The following TRMT44 variants were observed in gnomAD, a reference collection of about 807,000 sequenced individuals.
The protein encoded by TRMT44 is probable tRNA (uracil-O(2)-)-methyltransferase.
A neutral mutation model predicts 77.3 loss-of-function variants in TRMT44; 78 were observed. The ratio of observed to expected loss-of-function variants is 1.01; its 90% CI spans 0.84 to 1.22. The LOEUF is 1.22. TRMT44 is among the 50% of genes most tolerant of loss of function. The probability of loss-of-function intolerance (pLI) is 0.00; values close to 1 mark genes in which losing one functional copy is unlikely to be tolerated. For missense variants in TRMT44, 1,090 were observed against 964.4 expected (o/e 1.13, Z -1.73); for synonymous variants, 391 against 383.3 (o/e 1.02, Z -0.23).
At chr4:8,481,723 C>T (rs1233791201) in intron 2 of TRMT44, among the ~76,000 whole-genome samples, 2 of 152,222 alleles carry the variant, frequency 1.3e-5, no homozygotes, top group African/African-American at 4.8e-5. Flanking sequence ...TTAGCCTAGG[C>T]TAGGCCTACA....
Position 8,465,448 on chromosome 4 carries a change from A to AG in TRMT44, c.1383dup (p.Gln462AlafsTer3). 1 of 1,614,126 alleles carries AG rather than the reference A, an allele frequency of 6.2e-7. No homozygotes were observed. Among genetic ancestry groups the AG allele is most frequent in the Non-Finnish European group, 8.5e-7 (1 of 1,180,008 alleles). On this transcript the variant is annotated frameshift_variant, in exon 8 of 11. Coordinates refer to ENST00000389737, the MANE Select transcript of TRMT44 (RefSeq NM_152544.3). LOFTEE classifies it high-confidence loss of function. ...TGACTTCATTGGAAGATACTCCCGG[A>AG]GGCAGAGTAAGAAGACTCAGTACCG...
chr4:8,449,953 T>TATTTTA, intron 3 of TRMT44, 65 bp downstream of exon 3: 1 of 545,128 alleles, frequency 1.8e-6, no homozygotes, highest in Non-Finnish European at 2.6e-6. Flanking sequence ...TCTTTTCTTT[T>TATTTTA]TTTTTTTTTT....
chr4:8,488,978 A>G (rs894230713), intron 2 of TRMT44, among the ~76,000 whole-genome samples: 1 of 152,192 alleles, frequency 6.6e-6, no homozygotes, highest in Non-Finnish European at 1.5e-5. Flanking sequence ...AAGATCTTGA[A>G]AGGAACTGTG....
downstream of TRMT44, chr4:8,476,879 G>A (rs1394469354): frequency 1.3e-5 from 2 of 152,196 alleles, no homozygotes; most frequent in African/African-American, 4.8e-5. Context: ...AAGTGACTGG[G>A]ACTGTAGATG....
intron 6 of TRMT44, among the ~76,000 whole-genome samples, chr4:8,463,392 G>T (rs576080366): frequency 1.3e-5 from 2 of 152,220 alleles, no homozygotes; most frequent in Non-Finnish European, 2.9e-5. Flanking sequence ...TGCAGAATTT[G>T]TCAGAATGGT....
intron 2 of TRMT44, among the ~76,000 whole-genome samples, chr4:8,491,230 G>C (rs1727993196): frequency 6.6e-6 from 1 of 152,256 alleles, no homozygotes; most frequent in Non-Finnish European, 1.5e-5. Flanking sequence ...AGTGTCGATT[G>C]GTGCACTCAC....
At chr4:8,486,782 C>T (rs1727820447) in intron 2 of TRMT44, among the ~76,000 whole-genome samples, 1 of 152,054 alleles carries the variant, frequency 6.6e-6, no homozygotes, top group Non-Finnish European at 1.5e-5. Context: ...GGGAGGGCTA[C>T]TCACGGAATG....
chr4:8,487,432 A>C (rs1047541625), intron 2 of TRMT44, among the ~76,000 whole-genome samples: 2 of 151,988 alleles, frequency 1.3e-5, no homozygotes, highest in Non-Finnish European at 2.9e-5. Context: ...CGTGGAAATA[A>C]GGGGTTGAGG....
At chr4:8,458,555 C>A (rs1725958332) in intron 6 of TRMT44, among the ~76,000 whole-genome samples, 1 of 150,166 alleles carries the variant, frequency 6.7e-6, no homozygotes, top group Non-Finnish European at 1.5e-5. Context: ...CCTCTGCCTT[C>A]CAGGTTCAAG....
intron 2 of TRMT44, among the ~76,000 whole-genome samples, chr4:8,485,809 C>T (rs1727785513): frequency 6.6e-6 from 1 of 152,064 alleles, no homozygotes. Context: ...GAGTGTTGTC[C>T]AAGTTGGCAC....
chr4:8,514,602 C>A, the TRMT44 span, among the ~76,000 whole-genome samples: 1 of 151,974 alleles, frequency 6.6e-6, no homozygotes, highest in Non-Finnish European at 1.5e-5. Context: ...TCCAGCCAGG[C>A]GAAAGCATTT....
chr4:8,488,164 G>C (rs1334114964), intron 2 of TRMT44, among the ~76,000 whole-genome samples: 1 of 152,224 alleles, frequency 6.6e-6, no homozygotes, highest in African/African-American at 2.4e-5. Context: ...CTGAGGACCT[G>C]AGGTCATAGG....
chr4:8,488,588 G>A (rs947671386), intron 2 of TRMT44, among the ~76,000 whole-genome samples: 2 of 152,204 alleles, frequency 1.3e-5, no homozygotes, highest in Non-Finnish European at 2.9e-5. Flanking sequence ...AATGTCATCA[G>A]TTAAGGTGGG....
Position 8,462,773 on chromosome 4 carries a change from T to G in TRMT44, c.1204-1212T>G, listed in dbSNP as rs73089522. ...AAACAGGTGGGGCTTTGATATCTAG[T>G]GCTGTTGGCAAGATAATATAAAATA... On this transcript the variant is annotated intron_variant, in intron 6 of 10. Transcript: ENST00000389737. Among the ~76,000 whole-genome samples, 209 of 152,322 alleles carry G rather than the reference T, an allele frequency of 1.4e-3. 1 individual carries two copies. Among genetic ancestry groups the G allele is most frequent in the African/African-American group, 4.9e-3 (204 of 41,584 alleles).
chr4:8,485,914 A>G lies in TRMT44; in HGVS notation n.3891+6381A>G, dbSNP rs547773778. ...GAAACAGGCCCTTGAAAAGAAGGCA[A>G]CGTGGAGTGGGTAGCCCCCGTATCG... On this transcript the variant is annotated intron_variant and non_coding_transcript_variant, in intron 2 of 2. Coordinates refer to the TRMT44 transcript ENST00000511366. Among the ~76,000 whole-genome samples the G allele has an allele frequency of 1.4e-4, 21 of 152,274 alleles. No homozygotes were observed. The South Asian group carries it at 4.1e-3, about 30-fold the overall frequency.
chr4:8,470,932 G>A (rs1224046369), intron 9 of TRMT44, 152 bp from the exon 10 acceptor site: 1 of 609,722 alleles, frequency 1.6e-6, no homozygotes, highest in Non-Finnish European at 2.9e-6. Flanking sequence ...GGTGCGGTGT[G>A]GTGTGGGTTA....
At chr4:8,463,830 C>T (rs985519707) in intron 6 of TRMT44, among the ~76,000 whole-genome samples, 155 bp from the exon 7 acceptor site, 2 of 152,076 alleles carry the variant, frequency 1.3e-5, no homozygotes, top group African/African-American at 4.8e-5. Context: ...GATACATTGA[C>T]TTCCCCGCTC....
Position 8,452,742 on chromosome 4 carries a change from G to GA in TRMT44, c.1024-128dup, listed in dbSNP as rs113210446. 0.09 allele frequency: 36,612 copies of GA among 405,942 alleles called. 102 individuals are homozygous for GA. The highest frequency in any genetic ancestry group is 0.12 in the South Asian group (3,574 of 29,584). 25.1% of individuals were successfully genotyped at this position (405,942 alleles called of 1,614,324 possible). A position where few individuals can be genotyped will look rare whatever the true frequency, so the allele number is the denominator to read the frequency against. Reference sequence around the variant, plus strand: ...AGAGCAACACTCCATCTCAAAAAAAGAAAAAAAAAAAAGAATGTTTAGTGT... The same window carrying GA: ...AGAGCAACACTCCATCTCAAAAAAAGAAAAAAAAAAAAAGAATGTTTAGTGT... On this transcript the variant is annotated intron_variant, in intron 4 of 10. Transcript: ENST00000389737. The surrounding 1 kb of genome is among the most constrained non-coding windows in gnomAD (Gnocchi z 5.7).
chr4:8,516,553 G>A, the TRMT44 span, among the ~76,000 whole-genome samples: 2 of 152,316 alleles, frequency 1.3e-5, no homozygotes, highest in East Asian at 1.9e-4. Context: ...GTCAAGGTGG[G>A]AGGATGGCTT....
Sources: gnomAD v4.1 joint callset for allele counts (sites outside exome capture counted in the v4.1 genomes callset) on GRCh38, gnomAD v4.1.1 for gene constraint, Gnocchi (gnomAD v3.1) non-coding constraint, MANE v1.5 for transcripts, NCBI Gene and HGNC (gene_info 2026-07-23, HGNC 2026-07-21) for gene names.